Variants in GABRB3 observed in about 807,000 individuals in gnomAD.
The protein encoded by GABRB3 is gamma-aminobutyric acid type A receptor subunit beta3.
In GABRB3, 14 loss-of-function variants were observed where a neutral mutation model predicts 52.1. That is an observed-to-expected ratio of 0.27 (90% CI 0.18 to 0.42). The LOEUF (loss-of-function observed/expected upper bound fraction) is 0.42. Ranked by LOEUF, GABRB3 falls within the 10% of genes least tolerant of loss-of-function variation. The pLI is 1.00. For synonymous variants in GABRB3, 260 were observed against 232.3 expected, an observed-to-expected ratio of 1.12 and a Z score of -1.08; for missense variants, 307 against 609.1, an observed-to-expected ratio of 0.50 and a Z score of 5.22.
At chr15:26,683,478 A>G (rs1393306070) in intron 3 of GABRB3, among the ~76,000 whole-genome samples, 3 of 152,194 alleles carry the variant, frequency 2.0e-5, no homozygotes, top group African/African-American at 7.2e-5. Flanking sequence ...AGTTCCTGAT[A>G]TAAGGTAAAT....
intron 3 of GABRB3, among the ~76,000 whole-genome samples, chr15:26,636,423 G>T (rs1893063797): frequency 6.6e-6 from 1 of 151,922 alleles, no homozygotes; most frequent in South Asian, 2.1e-4. Flanking sequence ...GACCTAAATG[G>T]CTCATCTTCT....
intron 3 of GABRB3, among the ~76,000 whole-genome samples, chr15:26,696,811 C>T (rs1888754474): frequency 1.3e-5 from 2 of 152,142 alleles, no homozygotes; most frequent in South Asian, 4.1e-4. Context: ...GGGTGGGAGA[C>T]TTTGATGTCA....
chr15:26,758,448 A>T (rs1387043428), intron 3 of GABRB3, among the ~76,000 whole-genome samples: 3 of 152,248 alleles, frequency 2.0e-5, no homozygotes. Context: ...AAGAGAAAAA[A>T]TACTGAGCCA....
chr15:26,591,818 C>T (rs1018021405), intron 4 of GABRB3, among the ~76,000 whole-genome samples: 3 of 152,182 alleles, frequency 2.0e-5, no homozygotes, highest in Non-Finnish European at 4.4e-5. Flanking sequence ...TTTATATCTA[C>T]ATTTAGAATT....
upstream of GABRB3, chr15:26,773,611 G>A (rs199759564): frequency 9.2e-6 from 14 of 1,524,310 alleles, no homozygotes; most frequent in East Asian, 3.2e-4. Context: ...CCTCCCGACG[G>A]TGCCTGCAGA....
intron 8 of GABRB3, among the ~76,000 whole-genome samples, chr15:26,553,841 G>T (rs1889575002): frequency 6.6e-6 from 1 of 150,976 alleles, no homozygotes; most frequent in African/African-American, 2.4e-5. Flanking sequence ...AAGTGCATTT[G>T]AAAAAATACT....
rs550004950 is a variant in GABRB3 at position 26,696,309 on chromosome 15, T to C, written c.241-74775A>G. Among the ~76,000 whole-genome samples the C allele has an allele frequency of 5.3e-5, 8 of 152,322 alleles. No individual in the cohort carries two copies. The East Asian group carries it at 1.5e-3, about 29-fold the overall frequency. ...ACTAGGCATGGTGTTTAGCATTTTG[T>C]ATATACATTTTCCCATCTAAACCCC... On this transcript the variant is annotated intron_variant, in intron 3 of 8. Transcript: ENST00000311550.
At chr15:26,688,914 T>C (rs967102329) in intron 3 of GABRB3, among the ~76,000 whole-genome samples, 1 of 152,218 alleles carries the variant, frequency 6.6e-6, no homozygotes, top group African/African-American at 2.4e-5. Flanking sequence ...AGCTCCTCTT[T>C]ATTCTGGTTT....
rs555621343 is a variant in GABRB3 at position 26,584,372 on chromosome 15, G to C, written c.462-958C>G. Among the ~76,000 whole-genome samples the C allele has an allele frequency of 9.7e-4, 148 of 152,210 alleles. 1 individual carries two copies. Among genetic ancestry groups the C allele is most frequent in the African/African-American group, 3.4e-3 (141 of 41,538 alleles). ...AGACTGAGGTCTTTGACTTTCCACG[G>C]GAAGTGTTAAAGTAGCTACAGATAC... On this transcript the variant is annotated intron_variant, in intron 4 of 8. Coordinates refer to ENST00000311550, the MANE Select transcript of GABRB3 (RefSeq NM_000814.6).
At chr15:26,664,693 TTC>T (rs1887649444) in intron 3 of GABRB3, among the ~76,000 whole-genome samples, 1 of 138,130 alleles carries the variant, frequency 7.2e-6, no homozygotes, top group Admixed American at 8.3e-5. Flanking sequence ...ATCATTTCTT[TTC>T]TTTTCTTTGT....
upstream of GABRB3, chr15:26,773,623 C>A: frequency 6.5e-7 from 1 of 1,546,522 alleles, no homozygotes; most frequent in East Asian, 2.4e-5. Flanking sequence ...GCCTGCAGAA[C>A]GCCGGGAAGC....
chr15:26,593,363 T>TA (rs1345199633), intron 4 of GABRB3, among the ~76,000 whole-genome samples: 1 of 152,216 alleles, frequency 6.6e-6, no homozygotes, highest in Non-Finnish European at 1.5e-5. Context: ...TTTAAGTATA[T>TA]AATTCAGTGC....
intron 4 of GABRB3, among the ~76,000 whole-genome samples, chr15:26,606,784 A>AGATC (rs1891824308): frequency 2.2e-4 from 23 of 105,796 alleles, no homozygotes; most frequent in African/African-American, 5.3e-4. Flanking sequence ...ATAGATAGAT[A>AGATC]TATCTATAGA....
intron 3 of GABRB3, among the ~76,000 whole-genome samples, chr15:26,713,025 G>A (rs1322530866): frequency 6.6e-6 from 1 of 152,250 alleles, no homozygotes; most frequent in Non-Finnish European, 1.5e-5. Flanking sequence ...CACCATGGGG[G>A]AGTTCCAGGG....
At chr15:26,551,815 C>A (rs1889476141) in intron 8 of GABRB3, among the ~76,000 whole-genome samples, 1 of 152,132 alleles carries the variant, frequency 6.6e-6, no homozygotes, top group Non-Finnish European at 1.5e-5. Context: ...GGAGGACAGC[C>A]AGGCTGAGTG....
At chr15:26,729,429 T>C (rs900513959) in intron 3 of GABRB3, among the ~76,000 whole-genome samples, 4 of 152,100 alleles carry the variant, frequency 2.6e-5, no homozygotes, top group Non-Finnish European at 4.4e-5. Flanking sequence ...ATCCAGCCAC[T>C]GACTGCCACC....
chr15:26,555,099 G>A (rs552786901), intron 8 of GABRB3, among the ~76,000 whole-genome samples: 5 of 152,150 alleles, frequency 3.3e-5, no homozygotes, highest in South Asian at 2.1e-4. Context: ...CAGGAGAATC[G>A]CTTAAACCCA....
At chr15:26,624,952 C>T (rs988587038) in intron 3 of GABRB3, 6 of 985,420 alleles carry the variant, frequency 6.1e-6, no homozygotes, top group South Asian at 9.4e-5. Flanking sequence ...CTTCAGCAAA[C>T]TCCACGCCCT....
intron 3 of GABRB3, among the ~76,000 whole-genome samples, chr15:26,764,239 G>T (rs1890932557): frequency 5.0e-5 from 6 of 119,912 alleles, no homozygotes; most frequent in Non-Finnish European, 8.2e-5. Flanking sequence ...TATATATAGT[G>T]TCATGAATCA....
Sources: gnomAD v4.1 joint callset for allele counts (sites outside exome capture counted in the v4.1 genomes callset) on GRCh38, gnomAD v4.1.1 for gene constraint, MANE v1.5 for transcripts, NCBI Gene and HGNC (gene_info 2026-07-23, HGNC 2026-07-21) for gene names.